MYO1F: variants seen among roughly 807,000 people sequenced by gnomAD.
MYO1F encodes the protein myosin IF.
MYO1F carries 60 observed loss-of-function variants against 146.6 expected under a neutral mutation model. The observed-to-expected ratio is 0.41, with a 90% CI of 0.33 to 0.51. The LOEUF is 0.51. MYO1F is among the 20% of genes least tolerant of loss of function. The pLI, the probability that MYO1F is intolerant of heterozygous loss-of-function variation, is 0.25. For missense variants in MYO1F, 1,274 were observed against 1,534.3 expected, an observed-to-expected ratio of 0.83 and a Z score of 2.83; for synonymous variants, 602 against 602.1, an observed-to-expected ratio of 1.00 and a Z score of 0.00.
At chr19:8,523,410 G>A (rs559879332) in intron 25 of MYO1F, among the ~76,000 whole-genome samples, 24 of 152,030 alleles carry the variant, frequency 1.6e-4, no homozygotes, top group African/African-American at 4.8e-4. Context: ...TGGTACAATC[G>A]TAGCTCACTG....
Position 8,530,256 on chromosome 19 carries a change from C to T in MYO1F, c.2268G>A (p.Leu756=). Residue 756 remains leucine (L), a synonymous_variant, in exon 21 of 28, where the codon CTG becomes CTA. Transcript: ENST00000644032. The surrounding 1 kb of genome is among the most constrained non-coding windows in gnomAD (Gnocchi z 5.8). ...LEERPELRQF[L]GKRERVDFAD... ...CGAAGTCCACCCGCTCCCTCTTGCC[C>T]AGGAACTGACGCAGCTCGGGCCGCT... 1 of 1,614,130 alleles carries T rather than the reference C, an allele frequency of 6.2e-7. No homozygotes were observed. Among genetic ancestry groups the T allele is most frequent in the Non-Finnish European group, 8.5e-7 (1 of 1,180,010 alleles).
At chr19:8,569,357 C>T (rs902091504) in intron 1 of MYO1F, among the ~76,000 whole-genome samples, 2 of 151,968 alleles carry the variant, frequency 1.3e-5, no homozygotes, top group Non-Finnish European at 2.9e-5. Context: ...GTAGGAAGGA[C>T]GGGTAGCTTC....
At chr19:8,526,678 G>A in intron 23 of MYO1F, 77 bp from the exon 24 acceptor site, 3 of 1,543,738 alleles carry the variant, frequency 1.9e-6, no homozygotes, top group Non-Finnish European at 2.6e-6. Flanking sequence ...TTGGGGCAGG[G>A]GCGGGGCCGC....
chr19:8,533,529 G>A (rs780493471), intron 19 of MYO1F, among the ~76,000 whole-genome samples: 1 of 151,532 alleles, frequency 6.6e-6, no homozygotes, highest in Non-Finnish European at 1.5e-5. Flanking sequence ...TAACTTTTTT[G>A]TATTTTTTTA....
chr19:8,562,162 TC>T (rs139851854), intron 1 of MYO1F, among the ~76,000 whole-genome samples: 7 of 145,504 alleles, frequency 4.8e-5, no homozygotes, highest in Admixed American at 2.1e-4. Context: ...GCTAATTTTT[TC>T]TTTTTTTTTT....
At chr19:8,552,896 C>T (rs554749803) in intron 6 of MYO1F, among the ~76,000 whole-genome samples, 40 of 152,226 alleles carry the variant, frequency 2.6e-4, no homozygotes, top group East Asian at 7.7e-4. Flanking sequence ...TGGCTGCAGC[C>T]GGGGGAGCAT....
intron 16 of MYO1F, 41 bp downstream of exon 16, chr19:8,539,906 C>T: frequency 6.3e-7 from 1 of 1,577,448 alleles, no homozygotes; most frequent in Non-Finnish European, 8.7e-7. Context: ...GGAACTCAGC[C>T]CTCTGCAGGC....
intron 21 of MYO1F, among the ~76,000 whole-genome samples, chr19:8,529,564 C>T (rs1972397300): frequency 6.6e-6 from 1 of 151,750 alleles, no homozygotes; most frequent in Non-Finnish European, 1.5e-5. Flanking sequence ...TACCTGTGGA[C>T]AGGTGTGTCT....
chr19:8,551,807 T>C lies in MYO1F; in HGVS notation c.704A>G (p.Tyr235Cys), dbSNP rs1409661160. The stretch of plus-strand genomic sequence containing the variant: ...CTGGTAGGTGTCCGATTGGTTGAGG[T>C]AGTAATAGTAGTCCGGTGTCATGAG... Reference protein sequence around the residue: ...LGLMTPDYYYYLNQSDTYQVD... With the variant: ...LGLMTPDYYYCLNQSDTYQVD... Residue 235 changes from tyrosine (Y) to cysteine (C), a missense_variant, in exon 8 of 28, where the codon TAC becomes TGC. This residue lies in a region of MYO1F where 900 missense variants were observed against 1,155.1 expected (regional missense o/e 0.78). Coordinates refer to ENST00000644032, the MANE Select transcript of MYO1F (RefSeq NM_012335.4). The C allele has an allele frequency of 6.2e-6, 10 of 1,614,052 alleles. No homozygotes were observed. The highest frequency in any genetic ancestry group is 8.5e-6 in the Non-Finnish European group (10 of 1,179,990).
At chr19:8,574,686 CCTTTCTCTTTCTCTCTTTCTTTCTTTTT>C (rs2042200225) in intron 1 of MYO1F, among the ~76,000 whole-genome samples, 1 of 115,720 alleles carries the variant, frequency 8.6e-6, no homozygotes, top group Non-Finnish European at 1.8e-5. Context: ...TTTCTTTCTT[CCTTTCTCTTTCTCTCTTTCTTTCTTTTT>C]CTTTCTCTTT....
chr19:8,555,436 G>T, intron 2 of MYO1F: 2 of 525,430 alleles, frequency 3.8e-6, no homozygotes, highest in Non-Finnish European at 6.8e-6. Flanking sequence ...CGGAATGGGG[G>T]AAATGGAACA....
chr19:8,565,688 A>T (rs2041989324), intron 1 of MYO1F, among the ~76,000 whole-genome samples: 1 of 152,148 alleles, frequency 6.6e-6, no homozygotes, highest in Non-Finnish European at 1.5e-5. Context: ...GGCTGGGGAC[A>T]GGCACAGCTG....
intron 6 of MYO1F, among the ~76,000 whole-genome samples, 166 bp downstream of exon 6, chr19:8,552,973 G>C (rs948377814): frequency 2.2e-4 from 33 of 152,150 alleles, no homozygotes; most frequent in Non-Finnish European, 1.0e-4. Context: ...TCTTTTGAAA[G>C]GGACCATGAG....
chr19:8,548,003 G>GC, intron 12 of MYO1F, 33 bp downstream of exon 12: 1 of 655,630 alleles, frequency 1.5e-6, no homozygotes, highest in Non-Finnish European at 2.6e-6. Flanking sequence ...CCCCACCCCA[G>GC]GATCCCCCAT....
intron 1 of MYO1F, among the ~76,000 whole-genome samples, chr19:8,576,141 C>T (rs1417288707): frequency 2.0e-5 from 3 of 152,216 alleles, no homozygotes; most frequent in South Asian, 4.1e-4. Flanking sequence ...GGATTACAGG[C>T]GTGTGCCACC....
chr19:8,567,058 ATTTTTTTTTT>A (rs768377216), intron 1 of MYO1F, among the ~76,000 whole-genome samples: 2 of 127,694 alleles, frequency 1.6e-5, no homozygotes, highest in African/African-American at 6.0e-5. Flanking sequence ...ACTGGGTCCA[ATTTTTTTTTT>A]TTTTTTTTTT....
In MYO1F at chr19:8,520,787, T is replaced by TTC. The variant is rs1430056301; in HGVS notation, c.*740_*741insGA. 6.6e-6 allele frequency: 1 copy of TTC among 151,234 alleles called. No individual in the cohort carries two copies. The highest frequency in any genetic ancestry group is 1.5e-5 in the Non-Finnish European group (1 of 67,968). 9.4% of individuals were successfully genotyped at this position (151,234 alleles called of 1,614,324 possible). On this transcript the variant is annotated 3_prime_UTR_variant, in exon 28 of 28. Coordinates refer to ENST00000644032, the MANE Select transcript of MYO1F (RefSeq NM_012335.4). ...CACCACCACACCCGGCTTTTTTTTT[T>TTC]TTCTTTTTTAAATTTTTAGTAGAAA...
chr19:8,527,289 C>T (rs1346843784), intron 22 of MYO1F, 49 bp downstream of exon 22: 14 of 1,612,760 alleles, frequency 8.7e-6, no homozygotes, highest in Non-Finnish European at 1.2e-5. Flanking sequence ...TGAGGGCAGC[C>T]AGGGGACAGG....
At chr19:8,570,981 C>T (rs2145983195) in intron 1 of MYO1F, among the ~76,000 whole-genome samples, 1 of 152,270 alleles carries the variant, frequency 6.6e-6, no homozygotes, top group Admixed American at 6.5e-5. Context: ...CAAAGGTTGT[C>T]CAGTGTAAAT....
Sources: gnomAD v4.1 joint callset for allele counts (sites outside exome capture counted in the v4.1 genomes callset) on GRCh38, gnomAD v4.1.1 for gene constraint, gnomAD v4.1.1 regional missense constraint, Gnocchi (gnomAD v3.1) non-coding constraint, MANE v1.5 for transcripts, NCBI Gene and HGNC (gene_info 2026-07-23, HGNC 2026-07-21) for gene names.